PKD1L1: variants seen among roughly 807,000 people sequenced by gnomAD.
The protein encoded by PKD1L1 is polycystin-1-like protein 1.
Under a neutral mutation model 323.4 loss-of-function variants are expected in PKD1L1, and 236 were observed. The observed-to-expected ratio is 0.73, with a 90% confidence interval of 0.66 to 0.81. The LOEUF is 0.81. Among genes scored for constraint, PKD1L1 ranks in the 40% least tolerant of loss-of-function variants. The pLI is 0.00. For missense variants in PKD1L1, 3,320 were observed against 3,508.0 expected (o/e 0.95, Z 1.35); for synonymous variants, 1,344 against 1,335.0 (o/e 1.01, Z -0.15).
chr7:47,820,450 C>T (rs1051360446), intron 46 of PKD1L1, among the ~76,000 whole-genome samples: 4 of 152,132 alleles, frequency 2.6e-5, no homozygotes, highest in Admixed American at 6.5e-5. Flanking sequence ...GAAGGCCGGG[C>T]GTAGTGGCGC....
intron 50 of PKD1L1, among the ~76,000 whole-genome samples, chr7:47,810,050 G>A (rs1784861583): frequency 6.6e-6 from 1 of 152,156 alleles, no homozygotes; most frequent in African/African-American, 2.4e-5. Context: ...TTCTCTATGT[G>A]ATTCTCTCTC....
chr7:47,930,569 C>A (rs1787748723), intron 6 of PKD1L1, among the ~76,000 whole-genome samples: 3 of 150,712 alleles, frequency 2.0e-5, no homozygotes, highest in African/African-American at 7.3e-5. Context: ...TGAATCCCAG[C>A]ACTTTGGGAG....
chr7:47,824,651 G>A (rs1785207503), intron 45 of PKD1L1, among the ~76,000 whole-genome samples: 1 of 152,076 alleles, frequency 6.6e-6, no homozygotes, highest in African/African-American at 2.4e-5. Flanking sequence ...GTTTTATTTA[G>A]GGTGAGCGGA....
intron 12 of PKD1L1, 107 bp downstream of exon 12, chr7:47,904,271 C>T (rs993906430): frequency 1.4e-5 from 20 of 1,454,398 alleles, no homozygotes; most frequent in East Asian, 4.6e-5. Context: ...CTGTCACCTA[C>T]GTTGACTGAC....
rs930609764 is a variant in PKD1L1 at position 47,834,964 on chromosome 7, T to C, written c.6127+3A>G. 8.1e-6 allele frequency: 13 copies of C among 1,613,030 alleles called. No homozygotes were observed. Among genetic ancestry groups the C allele is most frequent in the Admixed American group, 1.7e-5 (1 of 59,992 alleles). ...GTTTCTGAGAGTTTTAATGTACATT[T>C]ACCATGGGGTGCCTCGGTCTGTGCT... is the stretch of plus-strand genomic sequence containing the variant. On this transcript the variant is annotated splice_donor_region_variant and intron_variant, in intron 39 of 56. Transcript: ENST00000289672.
At position 47,902,392 on chromosome 7, in the gene PKD1L1, G is replaced by A. The variant is rs372603234; in HGVS notation, c.2051C>T (p.Pro684Leu). ...CQPPLVKNMG[P>L]GKVQIWRSQP... ...CTCCGAGCCTACCTGGACTTTCCCA[G>A]GCCCCATGTTCTTCACCAGGGGTGG... Residue 684 changes from proline (P) to leucine (L), a missense_variant, in exon 13 of 57, where the codon CCT becomes CTT. Coordinates refer to ENST00000289672, the MANE Select transcript of PKD1L1 (RefSeq NM_138295.5). 4 of 1,614,006 alleles carry A rather than the reference G, an allele frequency of 2.5e-6. No individual in the cohort carries two copies. In the African/African-American group the frequency reaches 4.0e-5, roughly 16 times the overall value.
At chr7:47,800,968 A>C in intron 53 of PKD1L1, 89 bp from the exon 54 acceptor site, 3 of 1,206,752 alleles carry the variant, frequency 2.5e-6, no homozygotes, top group Non-Finnish European at 2.4e-6. Flanking sequence ...AATAGAGACA[A>C]ACTTGGAGGG....
At chr7:47,859,311 C>T (rs1340325505) in intron 26 of PKD1L1, among the ~76,000 whole-genome samples, 1 of 152,190 alleles carries the variant, frequency 6.6e-6, no homozygotes, top group Non-Finnish European at 1.5e-5. Context: ...TACCTATGTG[C>T]ATTCTATTCT....
At chr7:47,904,709 A>C in intron 11 of PKD1L1, 92 bp from the exon 12 acceptor site, 3 of 1,327,358 alleles carry the variant, frequency 2.3e-6, no homozygotes, top group Non-Finnish European at 3.1e-6. Flanking sequence ...CTTTAAGAGG[A>C]AGGCGGGGGA....
Position 47,821,163 on chromosome 7 carries a change from A to C in PKD1L1, c.6878T>G (p.Met2293Arg), listed in dbSNP as rs765538948. Residue 2293 changes from methionine (M) to arginine (R), a missense_variant, in exon 46 of 57, where the codon ATG becomes AGG. Transcript: ENST00000289672. ...ALRDISMDIL[M>R]LLLLLCVIYG... ...TATTACACACAAAAGCAGAAGCAGC[A>C]TGAGGATGTCCATGGAAATGTCTCT... is the stretch of plus-strand genomic sequence containing the variant. 8 of 1,608,396 alleles carry C rather than the reference A, an allele frequency of 5.0e-6. No homozygotes were observed. The African/African-American group carries it at 1.1e-4, about 22-fold the overall frequency.
At chr7:47,834,545 G>A (rs1451377256) in intron 39 of PKD1L1, among the ~76,000 whole-genome samples, 160 bp from the exon 40 acceptor site, 1 of 152,196 alleles carries the variant, frequency 6.6e-6, no homozygotes, top group East Asian at 1.9e-4. Flanking sequence ...AGGCTAGAAC[G>A]AGGACTTTTG....
At chr7:47,824,453 G>A (rs758321491) in intron 45 of PKD1L1, among the ~76,000 whole-genome samples, 1 of 151,928 alleles carries the variant, frequency 6.6e-6, no homozygotes, top group Non-Finnish European at 1.5e-5. Flanking sequence ...AGATACTAAC[G>A]CTCCACTAAC....
intron 47 of PKD1L1, 48 bp downstream of exon 47, chr7:47,815,286 A>C: frequency 6.3e-7 from 1 of 1,597,692 alleles, no homozygotes; most frequent in Non-Finnish European, 8.5e-7. Flanking sequence ...CCACTGCAAG[A>C]TAGCTTTTCT....
intron 15 of PKD1L1, among the ~76,000 whole-genome samples, chr7:47,891,958 C>T (rs549206992): frequency 6.6e-6 from 1 of 152,290 alleles, no homozygotes; most frequent in Non-Finnish European, 1.5e-5. Context: ...ACAGCAAATT[C>T]CACACCTGGA....
chr7:47,847,080 A>G lies in PKD1L1; in HGVS notation c.4961-9T>C, dbSNP rs762210870. 2.6e-6 allele frequency: 4 copies of G among 1,557,590 alleles called. No homozygotes were observed. The South Asian group carries it at 4.9e-5, about 19-fold the overall frequency. ...ATAGCCTACACTGGCATCTAAAAAG[A>G]GAAAACATAAATAAAAAGTACAACC... On this transcript the variant is annotated splice_polypyrimidine_tract_variant and intron_variant, in intron 31 of 56. Coordinates refer to ENST00000289672, the MANE Select transcript of PKD1L1 (RefSeq NM_138295.5).
At chr7:47,815,833 G>T (rs1016285017) in intron 46 of PKD1L1, among the ~76,000 whole-genome samples, 1 of 142,938 alleles carries the variant, frequency 7.0e-6, no homozygotes. Flanking sequence ...CATATACTAT[G>T]TTGTGACAAA....
At chr7:47,850,729 C>T (rs1480891608) in intron 31 of PKD1L1, among the ~76,000 whole-genome samples, 1 of 151,166 alleles carries the variant, frequency 6.6e-6, no homozygotes, top group African/African-American at 2.4e-5. Flanking sequence ...AGCAAAAACC[C>T]ACAGAGAAAA....
chr7:47,953,073 A>G (rs866609720), upstream of PKD1L1, among the ~76,000 whole-genome samples: 1 of 152,194 alleles, frequency 6.6e-6, no homozygotes, highest in African/African-American at 2.4e-5. Flanking sequence ...ATTCCACTGA[A>G]GGAATGCGAT....
chr7:47,948,582 GA>G (rs1245316011), upstream of PKD1L1: 7 of 721,226 alleles, frequency 9.7e-6, no homozygotes, highest in Non-Finnish European at 1.6e-5. Context: ...AACACAGAGG[GA>G]AAAATCCAAA....
Sources: allele counts gnomAD v4.1 joint callset (sites outside exome capture counted in the v4.1 genomes callset), GRCh38; gene constraint gnomAD v4.1.1; transcripts MANE v1.5; gene names NCBI Gene and HGNC (gene_info 2026-07-23, HGNC 2026-07-21).